The following PEX7 variants were observed in gnomAD, a reference collection of about 807,000 sequenced individuals.
PEX7 encodes the protein PTS2 receptor.
In PEX7, 34 loss-of-function variants were observed where a neutral mutation model predicts 47.5. The observed-to-expected ratio is 0.72, with a 90% CI of 0.54 to 0.95. The LOEUF (loss-of-function observed/expected upper bound fraction) is 0.95, where lower values mean the gene tolerates loss of function less well. PEX7 is among the 40% of genes least tolerant of loss of function. The pLI is 0.00. For missense variants in PEX7, 394 were observed against 400.3 expected (o/e 0.98, Z 0.13); for synonymous variants, 141 against 148.8 (o/e 0.95, Z 0.38).
At chr6:136,862,945 G>A (rs1774993082) in intron 5 of PEX7, among the ~76,000 whole-genome samples, 1 of 152,124 alleles carries the variant, frequency 6.6e-6, no homozygotes, top group South Asian at 2.1e-4. Flanking sequence ...GGACATCCAC[G>A]TCACCCTGCA....
At chr6:136,824,571 G>C (rs1774153912) in intron 1 of PEX7, among the ~76,000 whole-genome samples, 1 of 152,040 alleles carries the variant, frequency 6.6e-6, no homozygotes, top group Non-Finnish European at 1.5e-5. Context: ...AAAAAATTCA[G>C]TCATGTTTAA....
rs545638111 is a variant in PEX7 at position 136,859,956 on chromosome 6, A to G, written c.527-6671A>G. Among the ~76,000 whole-genome samples the G allele has an allele frequency of 3.3e-5, 5 of 151,872 alleles. No individual in the cohort carries two copies. The East Asian group carries it at 7.8e-4, about 24-fold the overall frequency. On this transcript the variant is annotated intron_variant, in intron 5 of 9. Transcript: ENST00000318471. ...GGAGAATCGCTTGAACCCTGGAGGC[A>G]GAGGTTGCAGTGAGCCACTACACTC...
At chr6:136,841,777 G>A (rs1184188224) in intron 3 of PEX7, among the ~76,000 whole-genome samples, 4 of 151,662 alleles carry the variant, frequency 2.6e-5, no homozygotes, top group Admixed American at 2.6e-4. Flanking sequence ...TAGAGACGGG[G>A]GTCTCGCCAT....
intron 3 of PEX7, chr6:136,830,002 A>T: frequency 1.4e-6 from 1 of 702,838 alleles, no homozygotes; most frequent in Admixed American, 2.1e-5. Context: ...TTTTTTTTCC[A>T]CCAGTATGTT....
intron 9 of PEX7, among the ~76,000 whole-genome samples, chr6:136,899,263 A>G (rs543157052): frequency 2.0e-4 from 27 of 138,430 alleles, no homozygotes; most frequent in Non-Finnish European, 3.4e-4. Flanking sequence ...TTTTTTTTTG[A>G]CAGAGTTTTT....
At chr6:136,863,576 T>C (rs1417901793) in intron 5 of PEX7, among the ~76,000 whole-genome samples, 4 of 152,054 alleles carry the variant, frequency 2.6e-5, no homozygotes, top group Non-Finnish European at 5.9e-5. Context: ...GGAAGTGGTA[T>C]TGAAAATATA....
At chr6:136,875,218 TTTG>T (rs1310059736) in intron 8 of PEX7, among the ~76,000 whole-genome samples, 3 of 152,188 alleles carry the variant, frequency 2.0e-5, no homozygotes, top group East Asian at 1.9e-4. Context: ...GTACTTTCTT[TTTG>T]TTGTTCTTTT....
chr6:136,859,907 C>T (rs745721915), intron 5 of PEX7, among the ~76,000 whole-genome samples: 7 of 151,984 alleles, frequency 4.6e-5, no homozygotes, highest in African/African-American at 7.3e-5. Flanking sequence ...TGCCTGTAAT[C>T]CCAGCTACTG....
intron 5 of PEX7, among the ~76,000 whole-genome samples, chr6:136,855,502 G>A (rs1162188847): frequency 6.6e-6 from 1 of 152,030 alleles, no homozygotes; most frequent in Admixed American, 6.6e-5. Context: ...ACTATGCCCG[G>A]CTAATTTTTG....
chr6:136,913,489 A>G lies in PEX7; in HGVS notation c.935A>G (p.Lys312Arg). The G allele has an allele frequency of 6.2e-7, 1 of 1,612,702 alleles. No individual in the cohort carries two copies. The highest frequency in any genetic ancestry group is 8.5e-7 in the Non-Finnish European group (1 of 1,179,068). ...GACTGTTCTTGGGATGAAACAATAA[A>G]GATCTATGACCCTGCTTGTCTTACT... ...VADCSWDETI[K>R]IYDPACLTIP... Residue 312 changes from lysine to arginine, a missense_variant, in exon 10 of 10, where the codon AAG (lysine) becomes AGG (arginine). By Grantham distance (26) the Lys-to-Arg change is conservative. Coordinates refer to ENST00000318471, the MANE Select transcript of PEX7 (RefSeq NM_000288.4).
chr6:136,877,071 G>A (rs1775287850), intron 8 of PEX7, among the ~76,000 whole-genome samples: 1 of 152,106 alleles, frequency 6.6e-6, no homozygotes, highest in South Asian at 2.1e-4. Context: ...GTTTTGATTT[G>A]CATTTCTCTA....
intron 8 of PEX7, among the ~76,000 whole-genome samples, chr6:136,891,749 T>C (rs1233388526): frequency 6.6e-6 from 1 of 151,576 alleles, no homozygotes; most frequent in African/African-American, 2.4e-5. Context: ...CAAGCGATCC[T>C]CCTGCCTCAG....
Position 136,866,862 on chromosome 6 carries a change from C to A in PEX7, c.633+129C>A, listed in dbSNP as rs546516989. The A allele has an allele frequency of 8.9e-6, 7 of 782,732 alleles. No homozygotes were observed. In the African/African-American group the frequency reaches 1.2e-4, roughly 13 times the overall value. 48.5% of individuals were successfully genotyped at this position (782,732 alleles called of 1,614,324 possible). Reference sequence around the variant, plus strand: ...CATTAAGTTAAATTCTGTCCCTTTCCTTTCTAATTAATGATTGTGACTGAC... The same window carrying A: ...CATTAAGTTAAATTCTGTCCCTTTCATTTCTAATTAATGATTGTGACTGAC... On this transcript the variant is annotated intron_variant, in intron 6 of 9. Transcript: ENST00000318471.
At position 136,864,453 on chromosome 6, in the gene PEX7, A is replaced by G. The variant is rs554716826; in HGVS notation, c.527-2174A>G. 4.6e-5 allele frequency among the ~76,000 whole-genome samples: 7 copies of G among 152,314 alleles called. No individual in the cohort carries two copies. The South Asian group carries it at 6.2e-4, about 14-fold the overall frequency. ...AGGTAGGAAACTGAAGATCAGCGAA[A>G]TAACTTGATTAAGCATCAGTGGCCA... On this transcript the variant is annotated intron_variant, in intron 5 of 9. Coordinates refer to ENST00000318471, the MANE Select transcript of PEX7 (RefSeq NM_000288.4).
chr6:136,885,044 A>C (rs1052652508), intron 8 of PEX7, among the ~76,000 whole-genome samples: 2 of 152,202 alleles, frequency 1.3e-5, no homozygotes, highest in African/African-American at 2.4e-5. Context: ...GTGCATAAGC[A>C]TTATTTGAGT....
intron 3 of PEX7, among the ~76,000 whole-genome samples, chr6:136,834,357 T>TAGG (rs1184803424): frequency 4.6e-5 from 7 of 152,198 alleles, no homozygotes; most frequent in African/African-American, 1.7e-4. Context: ...GCTGGGACTA[T>TAGG]AGGCGCTTGC....
At chr6:136,884,589 G>A (rs530022171) in intron 8 of PEX7, among the ~76,000 whole-genome samples, 14 of 150,534 alleles carry the variant, frequency 9.3e-5, no homozygotes. Context: ...CTGATGATAT[G>A]GTGGATATTT....
intron 1 of PEX7, chr6:136,823,353 T>G: frequency 9.1e-6 from 9 of 985,376 alleles, no homozygotes; most frequent in Non-Finnish European, 1.1e-5. Flanking sequence ...CCTGTAGTTG[T>G]CTAACGAGGA....
chr6:136,897,835 A>G (rs896072839), intron 8 of PEX7, among the ~76,000 whole-genome samples: 2 of 152,166 alleles, frequency 1.3e-5, no homozygotes, highest in Non-Finnish European at 2.9e-5. Flanking sequence ...GTCCTTGTGC[A>G]ATATAAAAAC....
Sources: allele counts gnomAD v4.1 joint callset (sites outside exome capture counted in the v4.1 genomes callset), GRCh38; gene constraint gnomAD v4.1.1; transcripts MANE v1.5; gene names NCBI Gene and HGNC (gene_info 2026-07-23, HGNC 2026-07-21).